The following XAGE3 variants were observed in gnomAD, a reference collection of about 807,000 sequenced individuals.
XAGE3 encodes the protein CT12.3.
Under a neutral mutation model 9.2 loss-of-function variants are expected in XAGE3, and 6 were observed. That is an observed-to-expected ratio of 0.65 (90% CI 0.36 to 1.29). The LOEUF (loss-of-function observed/expected upper bound fraction) is 1.29, where lower values mean the gene tolerates loss of function less well. Ranked by LOEUF, XAGE3 falls within the 50% of genes most tolerant of loss-of-function variation. XAGE3 has a pLI of 0.03. For missense variants in XAGE3, 70 were observed against 82.8 expected, an observed-to-expected ratio of 0.85 and a Z score of 0.60; for synonymous variants, 26 against 28.2, an observed-to-expected ratio of 0.92 and a Z score of 0.25.
chrX:52,866,574 T>C (rs1602016422), intron 2 of XAGE3, 36 bp from the exon 3 acceptor site: 3 of 1,087,527 alleles, frequency 2.8e-6, no homozygotes, highest in East Asian at 3.1e-5. Flanking sequence ...TGTGTGTGTG[T>C]GCAGATAAAA....
In XAGE3 at chrX:52,867,936, G is replaced by C. The variant is rs782553849; in HGVS notation, c.-9+70C>G. 3 of 111,526 alleles carry C rather than the reference G, an allele frequency of 2.7e-5. No homozygotes were observed. The South Asian group carries it at 1.2e-3, about 44-fold the overall frequency. The allele number at this position is 111,526 out of a possible 1,213,427, so 9.2% of individuals were successfully genotyped here. A position where few individuals can be genotyped will look rare whatever the true frequency, so the allele number is the denominator to read the frequency against. ...CACGGGCTATGCTTTCCCACGCTCC[G>C]GACAGCCACTGGCTCCTCCTCACAC... On this transcript the variant is annotated intron_variant, in intron 1 of 4. Coordinates refer to ENST00000346279, the MANE Select transcript of XAGE3 (RefSeq NM_133179.3).
At chrX:52,864,231 T>G (rs1927828664) in intron 4 of XAGE3, among the ~76,000 whole-genome samples, 1 of 112,520 alleles carries the variant, frequency 8.9e-6, no homozygotes, top group Non-Finnish European at 1.9e-5. Context: ...ATATTATAAC[T>G]GGAGCGAAAC....
intron 1 of XAGE3, chrX:52,867,405 C>A: frequency 3.5e-6 from 1 of 285,389 alleles, no homozygotes; most frequent in Non-Finnish European, 6.2e-6. Context: ...GAACTCTCCT[C>A]CGTGGAGACA....
At position 52,866,550 on chromosome X, in the gene XAGE3, GGT is replaced by G. The variant is rs5902508; in HGVS notation, c.82-14_82-13del. 35,751 of 964,325 alleles carry G rather than the reference GGT, an allele frequency of 0.037. No individual in the cohort carries two copies. Among genetic ancestry groups the G allele is most frequent in the East Asian group, 0.067 (1,412 of 21,223 alleles). 79.5% of individuals were successfully genotyped at this position (964,325 alleles called of 1,213,427 possible). The stretch of plus-strand genomic sequence containing the variant: ...TCATCACCGGGCTCCTGGAACCAGG[GGT>G]GTGTGTGTGTGTGTGTGTGTGTGCA... On this transcript the variant is annotated splice_polypyrimidine_tract_variant and intron_variant, in intron 2 of 4. Coordinates refer to ENST00000346279, the MANE Select transcript of XAGE3 (RefSeq NM_133179.3).
intron 4 of XAGE3, among the ~76,000 whole-genome samples, chrX:52,864,167 T>C (rs1170501505): frequency 1.3e-4 from 15 of 112,469 alleles, no homozygotes; most frequent in Admixed American, 9.5e-5. Context: ...AAAGATACTT[T>C]CATGAAGCAA....
At position 52,867,080 on chromosome X, in the gene XAGE3, T is replaced by C; in HGVS notation, c.54A>G (p.Pro18=). 8.3e-7 allele frequency: 1 copy of C among 1,211,346 alleles called. No individual in the cohort carries two copies. The highest frequency in any genetic ancestry group is 1.1e-6 in the Non-Finnish European group (1 of 895,167). Residue 18 remains proline (P), a synonymous_variant, in exon 2 of 5, where the codon CCA becomes CCG. Coordinates refer to ENST00000346279, the MANE Select transcript of XAGE3 (RefSeq NM_133179.3). ...GCATAGGCCCAATCAGCTCAGGAGG[T>C]GGTACACTTCTCCTCGGCCTAGGCC... ...TYRPRPRRSV[P]PPELIGPMLE...
At chrX:52,863,545 A>C (rs1462631832) in intron 4 of XAGE3, among the ~76,000 whole-genome samples, 1 of 112,249 alleles carries the variant, frequency 8.9e-6, no homozygotes, top group Admixed American at 9.5e-5. Flanking sequence ...TGTGATGCTT[A>C]GATGTTCAGG....
intron 1 of XAGE3, among the ~76,000 whole-genome samples, 173 bp downstream of exon 1, chrX:52,867,831 CTT>C (rs1556784654): frequency 1.8e-5 from 2 of 111,183 alleles, no homozygotes; most frequent in African/African-American, 6.6e-5. Context: ...CTCATTCTGA[CTT>C]CACCACAACA....
In XAGE3 at chrX:52,864,703, G is replaced by C. The variant is rs1198198120; in HGVS notation, c.313+72C>G. 28 of 1,165,806 alleles carry C rather than the reference G, an allele frequency of 2.4e-5. No individual in the cohort carries two copies. The Middle Eastern group carries it at 7.1e-4, about 30-fold the overall frequency. On this transcript the variant is annotated intron_variant, in intron 4 of 4. Transcript: ENST00000346279. ...TTTGAACTCTGATTTTAAAGGGATAGTAATGTTCTCTTTTATTATCAAAAG... is the reference window on the plus strand; with the variant it reads ...TTTGAACTCTGATTTTAAAGGGATACTAATGTTCTCTTTTATTATCAAAAG...
In XAGE3 at chrX:52,862,730, T is replaced by C. The variant is rs926241733; in HGVS notation, c.314-90A>G. The stretch of plus-strand genomic sequence containing the variant: ...TAGGCAAAGGACACCAAAGTTTTGG[T>C]TTTATACCGTGGATTAAACCAGAAG... On this transcript the variant is annotated intron_variant, in intron 4 of 4. Coordinates refer to ENST00000346279, the MANE Select transcript of XAGE3 (RefSeq NM_133179.3). 8.1e-6 allele frequency: 9 copies of C among 1,106,073 alleles called. No individual in the cohort carries two copies. The African/African-American group carries it at 1.7e-4, about 21-fold the overall frequency. The allele number at this position is 1,106,073 out of a possible 1,213,427, so 91.2% of individuals were successfully genotyped here.
chrX:52,866,960 TCAA>T (rs1927904827), intron 2 of XAGE3, 90 bp downstream of exon 2: 3 of 910,529 alleles, frequency 3.3e-6, no homozygotes, highest in Non-Finnish European at 3.2e-6. Context: ...CTATACTGGT[TCAA>T]CAACAATTAC....
chrX:52,863,708 CT>C (rs1927816799), intron 4 of XAGE3, among the ~76,000 whole-genome samples: 1 of 111,659 alleles, frequency 9.0e-6, no homozygotes, highest in East Asian at 2.8e-4. Flanking sequence ...CCATGTTGAG[CT>C]TTTTCCATTT....
In XAGE3 at chrX:52,862,647, T is replaced by C; in HGVS notation, c.314-7A>G. 8.3e-7 allele frequency: 1 copy of C among 1,211,187 alleles called. No homozygotes were observed. The highest frequency in any genetic ancestry group is 1.8e-5 in the South Asian group (1 of 56,737). On this transcript the variant is annotated splice_polypyrimidine_tract_variant and splice_region_variant and intron_variant, in intron 4 of 4. Transcript: ENST00000346279. ...ACCTGTGGTTGCCTGTCACCTATAA[T>C]AGAAATATAACAGGAGGGAACATTA...
intron 4 of XAGE3, among the ~76,000 whole-genome samples, chrX:52,864,321 A>T (rs1927831059): frequency 8.9e-6 from 1 of 112,415 alleles, no homozygotes; most frequent in Non-Finnish European, 1.9e-5. Flanking sequence ...TTTGAAACAG[A>T]TGTTAATACA....
In XAGE3 at chrX:52,867,024, T is replaced by C. The variant is rs782442300; in HGVS notation, c.81+29A>G. 3.3e-5 allele frequency: 39 copies of C among 1,187,646 alleles called. No homozygotes were observed. The Middle Eastern group carries it at 9.3e-4, about 28-fold the overall frequency. ...AGTTACAAAAATAACTTTCTGCTAA[T>C]AGAAAACATCAAAGGTTAAGGCACT... On this transcript the variant is annotated intron_variant, in intron 2 of 4. Coordinates refer to ENST00000346279, the MANE Select transcript of XAGE3 (RefSeq NM_133179.3).
chrX:52,867,623 C>G (rs1556784621), intron 1 of XAGE3, among the ~76,000 whole-genome samples: 1 of 110,600 alleles, frequency 9.0e-6, no homozygotes. Context: ...TTACAGACCT[C>G]AGGGCCACAG....
rs782682754 is a variant in XAGE3, at chrX:52,866,499, T to C, written c.121A>G (p.Thr41Ala). The C allele has an allele frequency of 8.3e-6, 10 of 1,211,532 alleles. No individual in the cohort carries two copies. The South Asian group carries it at 1.8e-4, about 21-fold the overall frequency. ...DEEPQQEEPP[T>A]ESRDPAPGQE... ...CCAGGTGCAGGATCCCGACTTTCAG[T>C]TGGTGGTTCCTCTTGCTGAGGCTCC... The change falls in exon 3 of 5, where the codon ACT becomes GCT. Residue 41 changes from threonine (T) to alanine (A), a missense_variant. Transcript: ENST00000346279.
At chrX:52,867,346 G>A (rs41306369) in intron 1 of XAGE3, 47,784 of 382,608 alleles carry the variant, frequency 0.12, 2,411 homozygotes, top group Non-Finnish European at 0.15. Flanking sequence ...ATTTCTTAAG[G>A]CTCCTGGCAA....
At chrX:52,863,975 G>A (rs1387771470) in intron 4 of XAGE3, among the ~76,000 whole-genome samples, 8 of 111,391 alleles carry the variant, frequency 7.2e-5, no homozygotes, top group African/African-American at 2.6e-4. Context: ...GAATACAATT[G>A]AGGATTGCTC....
Sources: gnomAD v4.1 joint callset for allele counts (sites outside exome capture counted in the v4.1 genomes callset) on GRCh38, gnomAD v4.1.1 for gene constraint, MANE v1.5 for transcripts, NCBI Gene and HGNC (gene_info 2026-07-23, HGNC 2026-07-21) for gene names.